The following SYTL2 variants were observed in gnomAD, a reference collection of about 807,000 sequenced individuals.
SYTL2 encodes synaptotagmin like 2.
In SYTL2, 165 loss-of-function variants were observed where a neutral mutation model predicts 198.7. The ratio of observed to expected loss-of-function variants is 0.83; its 90% CI spans 0.73 to 0.94. The LOEUF (loss-of-function observed/expected upper bound fraction) is 0.94. Ranked by LOEUF, SYTL2 falls within the 40% of genes least tolerant of loss-of-function variation. SYTL2 has a pLI of 0.00. For synonymous variants in SYTL2, 966 were observed against 917.7 expected (o/e 1.05, Z -0.95); for missense variants, 2,835 against 2,582.8 (o/e 1.10, Z -2.12).
At chr11:85,834,630 T>C in the SYTL2 span, among the ~76,000 whole-genome samples, 1 of 152,206 alleles carries the variant, frequency 6.6e-6, no homozygotes, top group Admixed American at 6.5e-5. Context: ...CTCAATACTT[T>C]ATTATAAAAT....
intron 12 of SYTL2, among the ~76,000 whole-genome samples, chr11:85,713,272 T>C (rs1315707064): frequency 6.6e-6 from 1 of 152,180 alleles, no homozygotes; most frequent in East Asian, 1.9e-4. Context: ...CTAAGAGAAT[T>C]CTTGATAATG....
intron 4 of SYTL2, among the ~76,000 whole-genome samples, chr11:85,740,970 TGCTTCTATGCACATGC>T (rs2090742232): frequency 6.6e-6 from 1 of 152,194 alleles, no homozygotes; most frequent in African/African-American, 2.4e-5. Context: ...AGCCACAAGG[TGCTTCTATGCACATGC>T]AGTCATTTAA....
chr11:85,734,592 G>C lies in SYTL2; in HGVS notation c.737C>G (p.Thr246Ser). The change falls in exon 7 of 20, where the codon ACT becomes AGT. Residue 246 changes from threonine (T) to serine (S), a missense_variant. Coordinates refer to ENST00000359152, the MANE Select transcript of SYTL2 (RefSeq NM_206927.4). Reference sequence around the variant, plus strand: ...CTGGTTATCATCTTTGTTTAAATCAGTTGATTTGTAGATCATCTTCCTGGC... The same window carrying C: ...CTGGTTATCATCTTTGTTTAAATCACTTGATTTGTAGATCATCTTCCTGGC... ...PKARKMIYKSTDLNKDDNQSF... is the reference protein window; with the variant it reads ...PKARKMIYKSSDLNKDDNQSF... The C allele has an allele frequency of 6.2e-7, 1 of 1,614,172 alleles. No homozygotes were observed. Among genetic ancestry groups the C allele is most frequent in the Non-Finnish European group, 8.5e-7 (1 of 1,180,028 alleles).
intron 1 of SYTL2, among the ~76,000 whole-genome samples, chr11:85,792,019 G>T (rs1181581246): frequency 6.6e-6 from 1 of 152,028 alleles, no homozygotes; most frequent in African/African-American, 2.4e-5. Context: ...TATAACTGGC[G>T]AATTGTATAG....
intron 12 of SYTL2, 62 bp downstream of exon 12, chr11:85,714,351 C>A: frequency 2.2e-6 from 3 of 1,349,238 alleles, no homozygotes. Context: ...ACACACCAAC[C>A]TTGGCATAGC....
Position 85,725,444 on chromosome 11 carries a change from T to C in SYTL2, c.3914A>G (p.Asp1305Gly). ...GGAAGTTGGATCCAATGGATGAGAA[T>C]CTTCTGCAGCCATCTGAATCAAATT... is the stretch of plus-strand genomic sequence containing the variant. ...TQNLIQMAAEDSHPLDPTSQL... is the reference protein window; with the variant it reads ...TQNLIQMAAEGSHPLDPTSQL... The change falls in exon 8 of 20, where the codon GAT becomes GGT. Residue 1305 changes from aspartate to glycine, a missense_variant. Asp to Gly is a moderately conservative substitution (Grantham distance 94). Transcript: ENST00000359152. The C allele has an allele frequency of 6.2e-7, 1 of 1,614,096 alleles. No homozygotes were observed. The highest frequency in any genetic ancestry group is 1.3e-5 in the African/African-American group (1 of 75,056).
At chr11:85,827,321 G>T in the SYTL2 span, among the ~76,000 whole-genome samples, 1 of 152,086 alleles carries the variant, frequency 6.6e-6, no homozygotes, top group Non-Finnish European at 1.5e-5. Context: ...GCTCTGCACC[G>T]GTCCTAGCTT....
At chr11:85,714,345 A>T in intron 12 of SYTL2, 68 bp downstream of exon 12, 1 of 1,306,048 alleles carries the variant, frequency 7.7e-7, no homozygotes, top group Non-Finnish European at 1.1e-6. Flanking sequence ...ATACAAACAC[A>T]CCAACCTTGG....
At chr11:85,851,803 T>TA in the SYTL2 span, among the ~76,000 whole-genome samples, 2 of 152,248 alleles carry the variant, frequency 1.3e-5, no homozygotes, top group Non-Finnish European at 2.9e-5. Context: ...TCTATTTAAC[T>TA]AAAAAATCTC....
intron 3 of SYTL2, among the ~76,000 whole-genome samples, chr11:85,746,596 A>G (rs1389763158): frequency 1.3e-5 from 2 of 152,170 alleles, no homozygotes; most frequent in Non-Finnish European, 2.9e-5. Flanking sequence ...TTTCATCAAT[A>G]TTAGGATGAA....
At chr11:85,839,759 C>G in the SYTL2 span, among the ~76,000 whole-genome samples, 1 of 152,192 alleles carries the variant, frequency 6.6e-6, no homozygotes, top group Non-Finnish European at 1.5e-5. Flanking sequence ...GTGTACATAT[C>G]TCGTCAATAT....
intron 5 of SYTL2, 46 bp from the exon 6 acceptor site, chr11:85,736,661 A>T (rs117738053): frequency 0.022 from 23,306 of 1,047,188 alleles, 394 homozygotes; most frequent in Admixed American, 0.048. Flanking sequence ...ATGTCATGAC[A>T]GCAACTCAGT....
chr11:85,742,768 A>G (rs1322148827), intron 4 of SYTL2, among the ~76,000 whole-genome samples: 1 of 152,222 alleles, frequency 6.6e-6, no homozygotes, highest in Non-Finnish European at 1.5e-5. Context: ...CCTTCACTAC[A>G]AAGGGTTTAT....
chr11:85,702,542 A>G (rs904214496), intron 16 of SYTL2, among the ~76,000 whole-genome samples: 1 of 152,152 alleles, frequency 6.6e-6, no homozygotes, highest in African/African-American at 2.4e-5. Context: ...TGATTTTGAG[A>G]ACTATTTCCC....
At chr11:85,763,733 G>A (rs1451878585) in intron 1 of SYTL2, among the ~76,000 whole-genome samples, 4 of 151,674 alleles carry the variant, frequency 2.6e-5, no homozygotes, top group Non-Finnish European at 5.9e-5. Flanking sequence ...AGCAACAGAA[G>A]AGCAGTAATA....
At chr11:85,820,864 T>A in the SYTL2 span, among the ~76,000 whole-genome samples, 5 of 152,252 alleles carry the variant, frequency 3.3e-5, no homozygotes, top group African/African-American at 4.8e-5. Flanking sequence ...ATCTCAATTT[T>A]TAAAGTAAGT....
chr11:85,753,905 G>A (rs529075114), intron 2 of SYTL2, among the ~76,000 whole-genome samples: 44 of 152,130 alleles, frequency 2.9e-4, no homozygotes, highest in Non-Finnish European at 5.0e-4. Flanking sequence ...TTGAATGCCA[G>A]ATCTCATCTA....
At chr11:85,846,199 T>C in the SYTL2 span, among the ~76,000 whole-genome samples, 2 of 152,292 alleles carry the variant, frequency 1.3e-5, no homozygotes, top group African/African-American at 2.4e-5. Context: ...GAGATAGACT[T>C]CTTACATGGC....
At chr11:85,704,125 A>C (rs1053584387) in intron 16 of SYTL2, among the ~76,000 whole-genome samples, 3 of 152,102 alleles carry the variant, frequency 2.0e-5, no homozygotes, top group Non-Finnish European at 4.4e-5. Context: ...AAGACTGGAA[A>C]AACATCAAAA....
Sources: gnomAD v4.1 joint callset for allele counts (sites outside exome capture counted in the v4.1 genomes callset) on GRCh38, gnomAD v4.1.1 for gene constraint, MANE v1.5 for transcripts, NCBI Gene and HGNC (gene_info 2026-07-23, HGNC 2026-07-21) for gene names.